NPR3: variants seen among roughly 807,000 people sequenced by gnomAD.
NPR3 encodes the protein natriuretic peptide receptor 3, also known as atrial natriuretic peptide receptor 3.
Under a neutral mutation model 54.5 loss-of-function variants are expected in NPR3, and 34 were observed. The observed-to-expected ratio is 0.62, with a 90% CI of 0.47 to 0.83. The LOEUF (loss-of-function observed/expected upper bound fraction) is 0.83, where lower values mean the gene tolerates loss of function less well. Ranked by LOEUF, NPR3 falls within the 40% of genes least tolerant of loss-of-function variation. The pLI is 0.00. For synonymous variants in NPR3, 289 were observed against 297.1 expected (o/e 0.97, Z 0.28); for missense variants, 674 against 720.8 (o/e 0.94, Z 0.74).
intron 3 of NPR3, among the ~76,000 whole-genome samples, chr5:32,764,736 C>T (rs926011524): frequency 6.6e-5 from 9 of 136,222 alleles, no homozygotes; most frequent in Admixed American, 3.4e-4. Context: ...TGCAGTGAGC[C>T]GAGATCACGC....
chr5:32,777,344 A>G (rs1461325033), intron 4 of NPR3, among the ~76,000 whole-genome samples: 2 of 152,218 alleles, frequency 1.3e-5, no homozygotes, highest in Admixed American at 6.5e-5. Flanking sequence ...CCTAGCCACT[A>G]ACTAGTAACC....
intron 4 of NPR3, among the ~76,000 whole-genome samples, chr5:32,776,756 AT>A (rs1181730957): frequency 6.6e-6 from 1 of 152,216 alleles, no homozygotes; most frequent in East Asian, 1.9e-4. Flanking sequence ...TTATGCAATC[AT>A]TTGAGCTTAC....
chr5:32,765,245 A>G (rs1741390467), intron 3 of NPR3, among the ~76,000 whole-genome samples: 1 of 152,358 alleles, frequency 6.6e-6, no homozygotes. Flanking sequence ...TATTCAAGAC[A>G]TGGTCAAGAG....
chr5:32,693,102 C>T (rs902696543), intron 1 of NPR3, among the ~76,000 whole-genome samples: 4 of 150,594 alleles, frequency 2.7e-5, no homozygotes, highest in African/African-American at 9.8e-5. Flanking sequence ...ATCCTGGGAA[C>T]AGAGCAAGAC....
intron 2 of NPR3, among the ~76,000 whole-genome samples, chr5:32,735,324 C>T (rs1212090410): frequency 6.6e-6 from 1 of 152,100 alleles, no homozygotes; most frequent in African/African-American, 2.4e-5. Context: ...CTGTGACATG[C>T]CTCCCTCTGT....
chr5:32,763,946 G>T (rs772719774), intron 3 of NPR3, among the ~76,000 whole-genome samples: 2 of 152,106 alleles, frequency 1.3e-5, no homozygotes, highest in Admixed American at 1.3e-4. Context: ...TTTTGGTTTT[G>T]CTTTTAGTCT....
rs1326095291 is a variant in NPR3 at position 32,786,534 on chromosome 5, A to G, written c.*189A>G. Reference sequence around the variant, plus strand: ...ATCACCATCTGCCTCCAGGCCTTTCATCTCATGACAAACAAATATAATAAT... The same window carrying G: ...ATCACCATCTGCCTCCAGGCCTTTCGTCTCATGACAAACAAATATAATAAT... On this transcript the variant is annotated 3_prime_UTR_variant, in exon 8 of 8. Transcript: ENST00000265074. 1.7e-6 allele frequency: 1 copy of G among 581,136 alleles called. No individual in the cohort carries two copies. Among genetic ancestry groups the G allele is most frequent in the East Asian group, 3.1e-5 (1 of 31,980 alleles). The allele number at this position is 581,136 out of a possible 1,614,324, so 36.0% of individuals were successfully genotyped here.
intron 3 of NPR3, among the ~76,000 whole-genome samples, chr5:32,772,684 G>GCTTA (rs1741832386): frequency 6.6e-6 from 1 of 152,202 alleles, no homozygotes; most frequent in African/African-American, 2.4e-5. Flanking sequence ...AGGATCTCTA[G>GCTTA]GTTAATAATT....
At chr5:32,749,917 A>G (rs765681548) in intron 3 of NPR3, among the ~76,000 whole-genome samples, 4 of 152,224 alleles carry the variant, frequency 2.6e-5, no homozygotes, top group Non-Finnish European at 5.9e-5. Context: ...TGGGATATTT[A>G]CATAAAAATA....
intron 3 of NPR3, among the ~76,000 whole-genome samples, chr5:32,749,453 G>A (rs925246704): frequency 6.6e-6 from 1 of 152,002 alleles, no homozygotes; most frequent in Non-Finnish European, 1.5e-5. Flanking sequence ...TTATATTTAA[G>A]GGTGAGCCAC....
intron 2 of NPR3, among the ~76,000 whole-genome samples, chr5:32,736,230 C>CAA (rs56211529): frequency 0.049 from 3,176 of 65,222 alleles, 83 homozygotes; most frequent in African/African-American, 0.07. Context: ...CACTCTGTCT[C>CAA]AAAAAAAAAA....
chr5:32,753,623 C>T (rs1579658135), intron 3 of NPR3, among the ~76,000 whole-genome samples: 1 of 128,642 alleles, frequency 7.8e-6, no homozygotes, highest in African/African-American at 3.2e-5. Context: ...GTCTCAGCAT[C>T]CTTTTTTTTT....
chr5:32,718,135 T>C (rs1031643142), intron 1 of NPR3, among the ~76,000 whole-genome samples: 1 of 151,116 alleles, frequency 6.6e-6, no homozygotes, highest in Non-Finnish European at 1.5e-5. Flanking sequence ...ATTTCTCATT[T>C]CATCAGATGG....
chr5:32,719,261 C>T (rs1312450612), intron 1 of NPR3, among the ~76,000 whole-genome samples: 1 of 152,150 alleles, frequency 6.6e-6, no homozygotes, highest in Non-Finnish European at 1.5e-5. Flanking sequence ...ACTTCCATCA[C>T]CTCTCTGTTG....
At chr5:32,709,971 A>G (rs1050729440), upstream of NPR3, 2 of 152,242 alleles carry the variant, frequency 1.3e-5, no homozygotes, top group Admixed American at 1.3e-4. Context: ...ATGAAAGACC[A>G]TTTTAACACA....
chr5:32,712,746 G>T (rs889561377), intron 1 of NPR3, among the ~76,000 whole-genome samples: 7 of 152,254 alleles, frequency 4.6e-5, no homozygotes, highest in Non-Finnish European at 1.0e-4. Flanking sequence ...GAGGGTCCCA[G>T]GGAGGTGAAG....
intron 1 of NPR3, among the ~76,000 whole-genome samples, chr5:32,696,728 A>C (rs993411902): frequency 6.6e-6 from 1 of 151,970 alleles, no homozygotes; most frequent in Non-Finnish European, 1.5e-5. Flanking sequence ...TCTTTGGTTA[A>C]TTCCTAGGTA....
chr5:32,736,230 C>CAAA (rs56211529), intron 2 of NPR3, among the ~76,000 whole-genome samples: 712 of 65,304 alleles, frequency 0.011, 18 homozygotes, highest in African/African-American at 0.034. Flanking sequence ...CACTCTGTCT[C>CAAA]AAAAAAAAAA....
At chr5:32,734,289 T>G (rs1739612777) in intron 2 of NPR3, among the ~76,000 whole-genome samples, 1 of 152,206 alleles carries the variant, frequency 6.6e-6, no homozygotes, top group South Asian at 2.1e-4. Context: ...GCCAGGTGAA[T>G]GCTTAGCATT....
Sources: allele counts gnomAD v4.1 joint callset (sites outside exome capture counted in the v4.1 genomes callset), GRCh38; gene constraint gnomAD v4.1.1; transcripts MANE v1.5; gene names NCBI Gene and HGNC (gene_info 2026-07-23, HGNC 2026-07-21).